PACRG: variants seen among roughly 807,000 people sequenced by gnomAD.
PACRG encodes parkin coregulated gene protein.
In PACRG, 29 loss-of-function variants were observed where a neutral mutation model predicts 29.7. That is an observed-to-expected ratio of 0.98 (90% confidence interval 0.73 to 1.33). The LOEUF is 1.33. Ranked by LOEUF, PACRG falls within the 40% of genes most tolerant of loss-of-function variation. The probability of loss-of-function intolerance (pLI) is 0.00; values close to 1 mark genes in which losing one functional copy is unlikely to be tolerated. For synonymous variants in PACRG, 116 were observed against 118.7 expected (o/e 0.98, Z 0.15); for missense variants, 279 against 316.2 (o/e 0.88, Z 0.89).
intron 4 of PACRG, among the ~76,000 whole-genome samples, chr6:163,102,762 C>A (rs895392795): frequency 6.6e-6 from 1 of 152,198 alleles, no homozygotes; most frequent in African/African-American, 2.4e-5. Flanking sequence ...GAGGATGATA[C>A]ATCACCTGTT....
At chr6:162,780,606 A>G (rs1784022954) in intron 1 of PACRG, among the ~76,000 whole-genome samples, 1 of 152,204 alleles carries the variant, frequency 6.6e-6, no homozygotes, top group Non-Finnish European at 1.5e-5. Flanking sequence ...CAGAATTTAC[A>G]GATAATAGAA....
At chr6:162,903,899 A>G (rs796373484) in intron 2 of PACRG, among the ~76,000 whole-genome samples, 9 of 152,296 alleles carry the variant, frequency 5.9e-5, no homozygotes, top group African/African-American at 1.9e-4. Flanking sequence ...AACAGAACCA[A>G]TAGGTTAACA....
At chr6:162,954,510 T>A (rs550948601) in intron 2 of PACRG, among the ~76,000 whole-genome samples, 6,907 of 152,178 alleles carry the variant, frequency 0.045, 548 homozygotes, top group African/African-American at 0.16. Flanking sequence ...ACATTATTTT[T>A]TTACTGCACA....
In PACRG at chr6:162,777,844, C is replaced by G. The variant is rs1232403160; in HGVS notation, c.157-36303C>G. Among the ~76,000 whole-genome samples the G allele has an allele frequency of 1.3e-5, 2 of 151,956 alleles. No individual in the cohort carries two copies. Among genetic ancestry groups the G allele is most frequent in the Non-Finnish European group, 2.9e-5 (2 of 67,992 alleles). ...GCTTTGAACTAATAAAAGAAAAAAC[C>G]TCCCTACCTTCTTTCTTTCCTTCCT... On this transcript the variant is annotated intron_variant, in intron 1 of 4. Transcript: ENST00000366888. This position sits in a 1 kb window ranked among gnomAD's most constrained non-coding sequence, Gnocchi z 4.0.
At position 163,315,024 on chromosome 6, in the gene PACRG, T is replaced by C. The variant is rs1363419074; in HGVS notation, c.*37T>C. On this transcript the variant is annotated 3_prime_UTR_variant, in exon 5 of 5. Transcript: ENST00000366888. The stretch of plus-strand genomic sequence containing the variant: ...GCTGGGACTTGAAACCTCCCGTTGG[T>C]GTTGGGATCATCTGTCTCTGTTGCT... 3 of 1,596,246 alleles carry C rather than the reference T, an allele frequency of 1.9e-6. No homozygotes were observed. Among genetic ancestry groups the C allele is most frequent in the Non-Finnish European group, 2.6e-6 (3 of 1,168,182 alleles).
chr6:162,990,072 C>A (rs1432442131), intron 2 of PACRG, among the ~76,000 whole-genome samples: 2 of 150,894 alleles, frequency 1.3e-5, no homozygotes, highest in Non-Finnish European at 3.0e-5. Flanking sequence ...ATGAACTCAT[C>A]ATTTTTTATG....
chr6:162,913,923 T>C (rs1344637472), intron 2 of PACRG, among the ~76,000 whole-genome samples: 1 of 152,220 alleles, frequency 6.6e-6, no homozygotes, highest in Non-Finnish European at 1.5e-5. Context: ...TTTTATTAGG[T>C]TAATTGTTTT....
At chr6:163,244,523 G>A (rs1009998626) in intron 4 of PACRG, among the ~76,000 whole-genome samples, 4 of 152,168 alleles carry the variant, frequency 2.6e-5, no homozygotes, top group East Asian at 1.9e-4. Context: ...CTGTATTTTC[G>A]AAAGGAAGGC....
chr6:162,730,013 G>T (rs1169315783), intron 1 of PACRG, among the ~76,000 whole-genome samples: 1 of 151,058 alleles, frequency 6.6e-6, no homozygotes, highest in Non-Finnish European at 1.5e-5. Context: ...ATTCTTAAAT[G>T]CAAACATTAT....
chr6:163,094,199 T>C (rs1814366113), intron 4 of PACRG, among the ~76,000 whole-genome samples: 1 of 152,246 alleles, frequency 6.6e-6, no homozygotes. Context: ...AGTTGATGTA[T>C]GTAAATGTTA....
chr6:163,193,245 G>T (rs1220850425), intron 4 of PACRG, among the ~76,000 whole-genome samples: 1 of 152,126 alleles, frequency 6.6e-6, no homozygotes, highest in Non-Finnish European at 1.5e-5. Flanking sequence ...ATAGAAATAT[G>T]CCTTGTGTGC....
At chr6:163,041,639 G>A (rs577413145) in intron 2 of PACRG, among the ~76,000 whole-genome samples, 19 of 152,268 alleles carry the variant, frequency 1.2e-4, no homozygotes, top group Admixed American at 8.5e-4. Context: ...GTCTCAAGTA[G>A]TATTTTATAG....
intron 2 of PACRG, among the ~76,000 whole-genome samples, chr6:163,023,165 G>C (rs1333078766): frequency 6.6e-6 from 1 of 152,140 alleles, no homozygotes; most frequent in Non-Finnish European, 1.5e-5. Context: ...CTGGGAGTAG[G>C]AATCCCGTCA....
intron 1 of PACRG, among the ~76,000 whole-genome samples, chr6:162,806,166 T>C (rs1311621253): frequency 6.6e-6 from 1 of 151,580 alleles, no homozygotes. Flanking sequence ...TGGAGTGCAA[T>C]AGCACAATCT....
intron 2 of PACRG, among the ~76,000 whole-genome samples, chr6:162,879,097 T>C (rs954414939): frequency 6.6e-6 from 1 of 152,194 alleles, no homozygotes; most frequent in Admixed American, 6.5e-5. Context: ...TCAGTTTATA[T>C]GATGGTCCTC....
At chr6:163,011,894 C>T (rs990021761) in intron 2 of PACRG, among the ~76,000 whole-genome samples, 9 of 152,158 alleles carry the variant, frequency 5.9e-5, no homozygotes, top group Non-Finnish European at 1.0e-4. Context: ...GCATCCATGT[C>T]ACTGTCTTCT....
At chr6:163,120,546 A>C (rs1426076485) in intron 4 of PACRG, among the ~76,000 whole-genome samples, 1 of 152,196 alleles carries the variant, frequency 6.6e-6, no homozygotes, top group Non-Finnish European at 1.5e-5. Flanking sequence ...GTTAATCCAC[A>C]GTTAGCCAAG....
chr6:162,790,083 A>G (rs1040469996), intron 1 of PACRG, among the ~76,000 whole-genome samples: 1 of 152,190 alleles, frequency 6.6e-6, no homozygotes. Context: ...ATGACTTTCT[A>G]AAAGTAGCAA....
intron 3 of PACRG, among the ~76,000 whole-genome samples, chr6:163,081,604 A>G (rs979992719): frequency 6.6e-6 from 1 of 152,154 alleles, no homozygotes; most frequent in Admixed American, 6.5e-5. Flanking sequence ...AAATATAAAA[A>G]AATTAGCCAG....
Sources: allele counts gnomAD v4.1 joint callset (sites outside exome capture counted in the v4.1 genomes callset), GRCh38; gene constraint gnomAD v4.1.1; non-coding constraint Gnocchi (gnomAD v3.1); transcripts MANE v1.5; gene names NCBI Gene and HGNC (gene_info 2026-07-23, HGNC 2026-07-21).